AASDH: variants seen among roughly 807,000 people sequenced by gnomAD.
AASDH encodes the protein beta-alanine-activating enzyme.
AASDH carries 81 observed loss-of-function variants against 102.3 expected under a neutral mutation model. The observed-to-expected ratio is 0.79, with a 90% CI of 0.66 to 0.95. AASDH has a LOEUF of 0.95. Among genes scored for constraint, AASDH ranks in the 40% least tolerant of loss-of-function variants. AASDH has a pLI of 0.00. For synonymous variants in AASDH, 398 were observed against 454.0 expected (o/e 0.88, Z 1.57); for missense variants, 1,203 against 1,266.2 (o/e 0.95, Z 0.76).
Position 56,338,776 on chromosome 4 carries a change from T to C in AASDH, c.2923A>G (p.Thr975Ala), listed in dbSNP as rs779224349. Residue 975 changes from threonine to alanine, a missense_variant, in exon 15 of 15, where the codon ACC becomes GCC. Physicochemically the swap from Thr to Ala is moderately conservative, Grantham distance 58 (BLOSUM62 0). Coordinates refer to ENST00000205214, the MANE Select transcript of AASDH (RefSeq NM_181806.4). ...HFGEQVWQFS[T>A]SGPIFSSPCT... Reference sequence around the variant, plus strand: ...GGGGATGAAAAGATTGGTCCACTGGTAGAGAACTGCCAAACCTATAACAAG... The same window carrying C: ...GGGGATGAAAAGATTGGTCCACTGGCAGAGAACTGCCAAACCTATAACAAG... The C allele has an allele frequency of 6.2e-6, 10 of 1,613,880 alleles. No homozygotes were observed. Among genetic ancestry groups the C allele is most frequent in the East Asian group, 2.2e-5 (1 of 44,892 alleles).
chr4:56,368,125 T>G (rs1025303202), intron 5 of AASDH, among the ~76,000 whole-genome samples: 8 of 151,054 alleles, frequency 5.3e-5, no homozygotes, highest in Admixed American at 2.0e-4. Flanking sequence ...AAAATGCTCA[T>G]CATCACTGGC....
intron 5 of AASDH, among the ~76,000 whole-genome samples, 170 bp from the exon 6 acceptor site, chr4:56,355,593 G>GTTTTTTTTT (rs149149581): frequency 6.5e-5 from 6 of 91,906 alleles, no homozygotes; most frequent in Admixed American, 1.4e-4. Context: ...TTATCTTCTT[G>GTTTTTTTTT]TTTTTTTTTT....
At chr4:56,385,416 G>A (rs1011543844) in intron 1 of AASDH, among the ~76,000 whole-genome samples, 1 of 151,958 alleles carries the variant, frequency 6.6e-6, no homozygotes. Flanking sequence ...AATGTTCTCT[G>A]GGTTTCTTAA....
At chr4:56,344,359 C>CA (rs1748073180) in intron 12 of AASDH, among the ~76,000 whole-genome samples, 1 of 152,094 alleles carries the variant, frequency 6.6e-6, no homozygotes, top group Non-Finnish European at 1.5e-5. Flanking sequence ...TTGTTTATCT[C>CA]AAGAGTTTTT....
At chr4:56,361,857 A>C (rs1750338122) in intron 5 of AASDH, among the ~76,000 whole-genome samples, 1 of 152,170 alleles carries the variant, frequency 6.6e-6, no homozygotes, top group East Asian at 1.9e-4. Flanking sequence ...CTGTGGTCCC[A>C]GCTACTCAGG....
At chr4:56,368,409 C>T (rs927318939) in intron 5 of AASDH, among the ~76,000 whole-genome samples, 2 of 152,126 alleles carry the variant, frequency 1.3e-5, no homozygotes, top group African/African-American at 4.8e-5. Flanking sequence ...GCTATAAAGA[C>T]ACATGCGCAC....
chr4:56,378,119 C>T (rs143844922), intron 4 of AASDH, 29 bp downstream of exon 4: 6 of 1,556,690 alleles, frequency 3.9e-6, no homozygotes, highest in Non-Finnish European at 5.2e-6. Flanking sequence ...AATATAGATT[C>T]TGAGAAAGAG....
Position 56,353,428 on chromosome 4 carries a change from C to A in AASDH, c.1552G>T (p.Asp518Tyr). The change falls in exon 9 of 15, where the codon GAC (aspartate) becomes TAC (tyrosine). Residue 518 changes from aspartate to tyrosine, a missense_variant. Physicochemically the swap from Asp to Tyr is radical, Grantham distance 160. Transcript: ENST00000205214. ...HAVPDELVLI[D>Y]SLPFTSHGKI... ...CCGTGGGATGTAAATGGTAGAGAGT[C>A]GATCAATACAAGCTCATCCGGGACT... 6.2e-7 allele frequency: 1 copy of A among 1,608,906 alleles called. No homozygotes were observed. The highest frequency in any genetic ancestry group is 1.1e-5 in the South Asian group (1 of 90,272).
chr4:56,341,198 A>G (rs1560560769), intron 14 of AASDH, among the ~76,000 whole-genome samples: 2 of 152,182 alleles, frequency 1.3e-5, no homozygotes, highest in Non-Finnish European at 2.9e-5. Flanking sequence ...GACAACCTGC[A>G]CTCCCATCTC....
At chr4:56,382,237 G>A in intron 3 of AASDH, 1 of 360,576 alleles carries the variant, frequency 2.8e-6, no homozygotes, top group Non-Finnish European at 5.0e-6. Flanking sequence ...ATTTTTGGTT[G>A]TTATGACTGG....
At chr4:56,368,294 T>A (rs1173722254) in intron 5 of AASDH, among the ~76,000 whole-genome samples, 3 of 152,172 alleles carry the variant, frequency 2.0e-5, no homozygotes, top group African/African-American at 7.2e-5. Flanking sequence ...GTTTAACCAT[T>A]GTGGAAGTCA....
intron 2 of AASDH, among the ~76,000 whole-genome samples, chr4:56,383,549 TATGAGG>T (rs1277771722): frequency 3.3e-5 from 5 of 152,240 alleles, no homozygotes; most frequent in Non-Finnish European, 5.9e-5. Context: ...GAAATCACTA[TATGAGG>T]ATAACATTCT....
intron 4 of AASDH, among the ~76,000 whole-genome samples, chr4:56,377,331 T>A (rs2109992034): frequency 6.6e-6 from 1 of 152,310 alleles, no homozygotes; most frequent in Non-Finnish European, 1.5e-5. Context: ...TTTGGAGATT[T>A]CTAATCTCTT....
chr4:56,362,943 C>T (rs1013005561), intron 5 of AASDH, among the ~76,000 whole-genome samples: 6 of 152,202 alleles, frequency 3.9e-5, no homozygotes, highest in South Asian at 2.1e-4. Flanking sequence ...ACCTGGGAAG[C>T]GCCAAGGGGT....
chr4:56,353,932 C>G, intron 8 of AASDH, 107 bp downstream of exon 8: 1 of 1,056,140 alleles, frequency 9.5e-7, no homozygotes, highest in South Asian at 2.3e-5. Flanking sequence ...ATCACTAACA[C>G]AAAAATGTCA....
intron 4 of AASDH, among the ~76,000 whole-genome samples, chr4:56,376,427 C>G (rs1752344304): frequency 6.6e-6 from 1 of 152,190 alleles, no homozygotes; most frequent in African/African-American, 2.4e-5. Context: ...TTTGTTACCT[C>G]TATTTCGTTA....
intron 11 of AASDH, among the ~76,000 whole-genome samples, chr4:56,347,117 A>G (rs1202404062): frequency 6.6e-6 from 1 of 152,096 alleles, no homozygotes; most frequent in Non-Finnish European, 1.5e-5. Flanking sequence ...AATTCCACTC[A>G]TGATTATTTC....
intron 14 of AASDH, 31 bp downstream of exon 14, chr4:56,342,803 AT>A (rs773225593): frequency 1.0e-5 from 10 of 967,894 alleles, no homozygotes; most frequent in Non-Finnish European, 1.3e-5. Flanking sequence ...ATATATAAAA[AT>A]GTATATATAA....
At chr4:56,360,515 C>T (rs566737043) in intron 5 of AASDH, among the ~76,000 whole-genome samples, 18 of 152,274 alleles carry the variant, frequency 1.2e-4, no homozygotes, top group African/African-American at 3.6e-4. Context: ...CAGAATGCCA[C>T]GAAGTTCCAC....
Sources: gnomAD v4.1 joint callset for allele counts (sites outside exome capture counted in the v4.1 genomes callset) on GRCh38, gnomAD v4.1.1 for gene constraint, MANE v1.5 for transcripts, NCBI Gene and HGNC (gene_info 2026-07-23, HGNC 2026-07-21) for gene names.